DHX36: variants seen among roughly 807,000 people sequenced by gnomAD.
DHX36 encodes ATP-dependent DNA/RNA helicase DHX36.
DHX36 carries 50 observed loss-of-function variants against 139.0 expected under a neutral mutation model. The ratio of observed to expected loss-of-function variants is 0.36; its 90% CI spans 0.29 to 0.46. DHX36 has a LOEUF of 0.46. DHX36 is among the 20% of genes least tolerant of loss of function. DHX36 has a pLI of 1.00. For synonymous variants in DHX36, 425 were observed against 401.9 expected (o/e 1.06, Z -0.69); for missense variants, 1,024 against 1,211.3 (o/e 0.85, Z 2.29).
Position 154,280,600 on chromosome 3 carries a change from T to C in DHX36, c.2546A>G (p.Asn849Ser). ...LYPKVAKIRLNLGKKRKMVKV... is the reference protein window; with the variant it reads ...LYPKVAKIRLSLGKKRKMVKV... Reference sequence around the variant, plus strand: ...TTACATTTTTCTTTTTTTACCCAAATTTAGTCGAATTTTAGCAACTTTGGG... The same window carrying C: ...TTACATTTTTCTTTTTTTACCCAAACTTAGTCGAATTTTAGCAACTTTGGG... Residue 849 changes from asparagine (N) to serine (S), a missense_variant, in exon 22 of 25, where the codon AAT becomes AGT. Asn to Ser is a conservative substitution (Grantham distance 46, BLOSUM62 1). This residue lies in a region of DHX36 where 470 missense variants were observed against 616.2 expected (regional missense o/e 0.76). Coordinates refer to ENST00000496811, the MANE Select transcript of DHX36 (RefSeq NM_020865.3). 6.2e-7 allele frequency: 1 copy of C among 1,611,564 alleles called. No individual in the cohort carries two copies. Among genetic ancestry groups the C allele is most frequent in the Non-Finnish European group, 8.5e-7 (1 of 1,178,960 alleles).
At position 154,277,658 on chromosome 3, in the gene DHX36, C is replaced by T. The variant is rs1278624686; in HGVS notation, c.2628G>A (p.Val876=). 3.1e-6 allele frequency: 5 copies of T among 1,612,114 alleles called. No homozygotes were observed. In the Admixed American group the frequency reaches 5.0e-5, roughly 16 times the overall value. The part of the protein sequence containing the change: ...LVAVHPKSVN[V]EQTDFHYNWL... ...AGTTGTAGTGAAAGTCTGTTTGCTC[C>T]ACATTAACAGATTTAGGATGAACAG... The change falls in exon 23 of 25, where the codon GTG becomes GTA. Residue 876 remains valine, a synonymous_variant. Transcript: ENST00000496811.
chr3:154,277,927 G>GA lies in DHX36; in HGVS notation c.2568-210dup, dbSNP rs1338508188. The GA allele has an allele frequency of 2.9e-5, 11 of 385,818 alleles. No homozygotes were observed. The South Asian group carries it at 3.8e-4, about 13-fold the overall frequency. 23.9% of individuals were successfully genotyped at this position (385,818 alleles called of 1,614,324 possible). A position where few individuals can be genotyped will look rare whatever the true frequency, so the allele number is the denominator to read the frequency against. On this transcript the variant is annotated intron_variant, in intron 22 of 24. Coordinates refer to ENST00000496811, the MANE Select transcript of DHX36 (RefSeq NM_020865.3). ...GAGCATAATTTCCTTAAAAATATATGAAAAAATGCTATCAGTATGAATAAT... is the reference window on the plus strand; with the variant it reads ...GAGCATAATTTCCTTAAAAATATATGAAAAAAATGCTATCAGTATGAATAAT...
chr3:154,305,383 A>G, intron 6 of DHX36: 1 of 461,884 alleles, frequency 2.2e-6, no homozygotes, highest in Non-Finnish European at 3.8e-6. Flanking sequence ...ATATAATGTT[A>G]ATTTCTTTTA....
At chr3:154,286,378 A>T (rs1479376715) in intron 17 of DHX36, among the ~76,000 whole-genome samples, 2 of 151,724 alleles carry the variant, frequency 1.3e-5, no homozygotes, top group Non-Finnish European at 2.9e-5. Flanking sequence ...AAAAATCTAC[A>T]TGAAGTTATT....
intron 1 of DHX36, among the ~76,000 whole-genome samples, chr3:154,323,625 A>G (rs894877602): frequency 5.3e-5 from 8 of 152,158 alleles, no homozygotes; most frequent in African/African-American, 1.9e-4. Context: ...GCTCATCAAT[A>G]GAAATTTCTC....
At chr3:154,282,970 C>G (rs1425525006) in intron 20 of DHX36, among the ~76,000 whole-genome samples, 2 of 152,028 alleles carry the variant, frequency 1.3e-5, no homozygotes, top group Non-Finnish European at 2.9e-5. Context: ...GAAATCGAAC[C>G]CTACTGTGCC....
At position 154,284,687 on chromosome 3, in the gene DHX36, T is replaced by C. The variant is rs200507247; in HGVS notation, c.2206-18A>G. 3.3e-5 allele frequency: 53 copies of C among 1,602,656 alleles called. No individual in the cohort carries two copies. In the African/African-American group the frequency reaches 4.2e-4, roughly 13 times the overall value. On this transcript the variant is annotated intron_variant, in intron 18 of 24. Coordinates refer to ENST00000496811, the MANE Select transcript of DHX36 (RefSeq NM_020865.3). ...TCTTTTCCCTTAAAAATAGCAGACA[T>C]AGCCAATTTAAATTGCTCTGATGCT...
chr3:154,311,207 C>G (rs1319853734), intron 4 of DHX36, among the ~76,000 whole-genome samples: 1 of 151,530 alleles, frequency 6.6e-6, no homozygotes, highest in African/African-American at 2.4e-5. Flanking sequence ...ATGAGAGATC[C>G]TATTATTCTA....
intron 5 of DHX36, among the ~76,000 whole-genome samples, chr3:154,309,298 A>G (rs1227078557): frequency 6.6e-6 from 1 of 152,000 alleles, no homozygotes; most frequent in African/African-American, 2.4e-5. Context: ...AAATGACAGA[A>G]GTAAAAAAAA....
intron 19 of DHX36, 48 bp from the exon 20 acceptor site, chr3:154,283,319 G>T (rs1488579162): frequency 1.6e-6 from 2 of 1,252,962 alleles, no homozygotes; most frequent in East Asian, 2.3e-5. Context: ...CGCAAACAAA[G>T]ATTACTACTG....
chr3:154,283,104 G>A (rs932111209), intron 20 of DHX36, 84 bp downstream of exon 20: 119 of 1,064,628 alleles, frequency 1.1e-4, no homozygotes, highest in Non-Finnish European at 1.6e-4. Context: ...TGACTTTTTT[G>A]CTATAGATCT....
At chr3:154,292,251 G>A (rs1711851058) in intron 15 of DHX36, among the ~76,000 whole-genome samples, 2 of 152,052 alleles carry the variant, frequency 1.3e-5, no homozygotes, top group South Asian at 4.1e-4. Flanking sequence ...AGTATTAGTT[G>A]CTATTATTAT....
At chr3:154,298,851 T>C (rs755241945) in intron 12 of DHX36, among the ~76,000 whole-genome samples, 3 of 152,038 alleles carry the variant, frequency 2.0e-5, no homozygotes, top group Admixed American at 6.6e-5. Context: ...AAGGTAGAGG[T>C]TGCAGTGAGC....
At chr3:154,315,935 T>A in intron 2 of DHX36, 104 bp downstream of exon 2, 1 of 1,341,768 alleles carries the variant, frequency 7.5e-7, no homozygotes, top group African/African-American at 1.5e-5. Flanking sequence ...GGAAAAAAAG[T>A]ACGTAAAGGT....
At chr3:154,279,604 T>C (rs1022594753) in intron 22 of DHX36, 6 of 152,228 alleles carry the variant, frequency 3.9e-5, no homozygotes, top group African/African-American at 1.4e-4. Context: ...TTCTTGACTT[T>C]AGTACTACTG....
chr3:154,315,394 G>A (rs1243732233), intron 2 of DHX36, 114 bp from the exon 3 acceptor site: 1 of 686,300 alleles, frequency 1.5e-6, no homozygotes, highest in Non-Finnish European at 2.3e-6. Flanking sequence ...CAAATCCAAA[G>A]CTTTTCTTTT....
intron 19 of DHX36, 137 bp downstream of exon 19, chr3:154,284,446 G>A (rs2108335898): frequency 1.5e-6 from 1 of 680,544 alleles, no homozygotes; most frequent in African/African-American, 1.8e-5. Flanking sequence ...CTCCCAAAGT[G>A]CTATGATTAC....
intron 17 of DHX36, among the ~76,000 whole-genome samples, chr3:154,287,504 A>C (rs1711587289): frequency 6.6e-6 from 1 of 151,854 alleles, no homozygotes; most frequent in African/African-American, 2.4e-5. Flanking sequence ...AAAATACAAA[A>C]ATTAGCCAGA....
rs1027721593 is a variant in DHX36, at chr3:154,276,024, T to C, written c.*147A>G. Reference sequence around the variant, plus strand: ...TATCTCTACATATAACATCAAGTCATGCACATTAAGTCTTTACTACCTACT... The same window carrying C: ...TATCTCTACATATAACATCAAGTCACGCACATTAAGTCTTTACTACCTACT... On this transcript the variant is annotated 3_prime_UTR_variant, in exon 25 of 25. Coordinates refer to ENST00000496811, the MANE Select transcript of DHX36 (RefSeq NM_020865.3). 1.8e-5 allele frequency: 10 copies of C among 551,896 alleles called. No individual in the cohort carries two copies. Among genetic ancestry groups the C allele is most frequent in the Admixed American group, 7.0e-5 (2 of 28,584 alleles). 34.2% of individuals were successfully genotyped at this position (551,896 alleles called of 1,614,324 possible).
Sources: gnomAD v4.1 joint callset for allele counts (sites outside exome capture counted in the v4.1 genomes callset) on GRCh38, gnomAD v4.1.1 for gene constraint, gnomAD v4.1.1 regional missense constraint, MANE v1.5 for transcripts, NCBI Gene and HGNC (gene_info 2026-07-23, HGNC 2026-07-21) for gene names.